The following GLRA3 variants were observed in gnomAD, a reference collection of about 807,000 sequenced individuals.
GLRA3 encodes the protein glycine receptor alpha 3.
A neutral mutation model predicts 60.4 loss-of-function variants in GLRA3; 44 were observed. That is an observed-to-expected ratio of 0.73 (90% CI 0.57 to 0.94). The LOEUF (loss-of-function observed/expected upper bound fraction) is 0.94. Among genes scored for constraint, GLRA3 ranks in the 40% least tolerant of loss-of-function variants. The probability of loss-of-function intolerance (pLI) is 0.00; values close to 1 mark genes in which losing one functional copy is unlikely to be tolerated. For missense variants in GLRA3, 508 were observed against 564.6 expected (o/e 0.90, Z 1.02); for synonymous variants, 223 against 192.9 (o/e 1.16, Z -1.29).
chr4:174,686,265 C>CT (rs1232521290), intron 5 of GLRA3, among the ~76,000 whole-genome samples: 1 of 152,096 alleles, frequency 6.6e-6, no homozygotes, highest in African/African-American at 2.4e-5. Context: ...AAAATCAATA[C>CT]TTTTTTACAC....
At chr4:174,714,997 G>T (rs1297857324) in intron 5 of GLRA3, among the ~76,000 whole-genome samples, 1 of 152,132 alleles carries the variant, frequency 6.6e-6, no homozygotes, top group Non-Finnish European at 1.5e-5. Flanking sequence ...AATAAACATT[G>T]CTTATCTGAA....
intron 9 of GLRA3, among the ~76,000 whole-genome samples, chr4:174,645,115 A>G (rs2110841636): frequency 6.6e-6 from 1 of 152,140 alleles, no homozygotes; most frequent in African/African-American, 2.4e-5. Context: ...AATTGGCTTG[A>G]ACTCTTGAAA....
At position 174,637,671 on chromosome 4, in the gene GLRA3, T is replaced by C. The variant is rs559517166; in HGVS notation, c.*6115A>G. On this transcript the variant is annotated 3_prime_UTR_variant, in exon 10 of 10. Coordinates refer to ENST00000274093, the MANE Select transcript of GLRA3 (RefSeq NM_006529.4). ...AACTTAATCCCCTGTACTTTTGTTA[T>C]AGCTTTACTCTAAAAACACACAATA... The C allele has an allele frequency of 3.3e-5, 5 of 152,344 alleles. No individual in the cohort carries two copies. The South Asian group carries it at 1.0e-3, about 32-fold the overall frequency. 9.4% of individuals were successfully genotyped at this position (152,344 alleles called of 1,614,324 possible). A position where few individuals can be genotyped will look rare whatever the true frequency, so the allele number is the denominator to read the frequency against.
chr4:174,718,935 G>A (rs971218809), intron 4 of GLRA3, among the ~76,000 whole-genome samples: 1 of 150,560 alleles, frequency 6.6e-6, no homozygotes, highest in Non-Finnish European at 1.5e-5. Context: ...TTGCAGCCCT[G>A]GGGTTCTAGT....
chr4:174,692,304 T>C (rs375106466), intron 5 of GLRA3, among the ~76,000 whole-genome samples: 49,858 of 133,914 alleles, frequency 0.37, 9,888 homozygotes, highest in Middle Eastern at 0.47. Flanking sequence ...CCGCCCCGTC[T>C]GGGAGGGAGG....
intron 7 of GLRA3, among the ~76,000 whole-genome samples, chr4:174,675,106 A>C (rs556415468): frequency 6.6e-6 from 1 of 152,210 alleles, no homozygotes; most frequent in African/African-American, 2.4e-5. Context: ...TTAAGGTATC[A>C]CTTTCTCAAT....
At chr4:174,730,468 T>C (rs1369659798) in intron 3 of GLRA3, among the ~76,000 whole-genome samples, 1 of 152,232 alleles carries the variant, frequency 6.6e-6, no homozygotes, top group Admixed American at 6.5e-5. Flanking sequence ...TACTGATTTA[T>C]AAGATACATA....
chr4:174,682,300 A>G (rs147924200), intron 6 of GLRA3, among the ~76,000 whole-genome samples: 2 of 152,316 alleles, frequency 1.3e-5, no homozygotes, highest in African/African-American at 4.8e-5. Flanking sequence ...TAGTGTTGAG[A>G]ACTATATCTG....
At chr4:174,789,370 A>C (rs546403941) in intron 1 of GLRA3, among the ~76,000 whole-genome samples, 1 of 151,458 alleles carries the variant, frequency 6.6e-6, no homozygotes, top group African/African-American at 2.4e-5. Flanking sequence ...GGTTTTGTGA[A>C]TTATTCTTAG....
At chr4:174,768,799 C>T (rs184004825) in intron 2 of GLRA3, among the ~76,000 whole-genome samples, 18 of 152,200 alleles carry the variant, frequency 1.2e-4, no homozygotes, top group Admixed American at 8.5e-4. Context: ...ATTCTTTTCC[C>T]ACCACCTTGT....
chr4:174,663,896 C>T (rs944797133), intron 7 of GLRA3, among the ~76,000 whole-genome samples: 2 of 152,144 alleles, frequency 1.3e-5, no homozygotes, highest in African/African-American at 4.8e-5. Flanking sequence ...GACCCATTGT[C>T]CACTGGAATC....
chr4:174,653,267 G>A (rs975782343), intron 9 of GLRA3, among the ~76,000 whole-genome samples: 3 of 151,860 alleles, frequency 2.0e-5, no homozygotes, highest in Admixed American at 2.0e-4. Flanking sequence ...ATGAAGAACA[G>A]ATGAAAAATG....
intron 1 of GLRA3, among the ~76,000 whole-genome samples, chr4:174,817,249 A>C (rs1347634024): frequency 6.6e-6 from 1 of 152,226 alleles, no homozygotes; most frequent in Non-Finnish European, 1.5e-5. Flanking sequence ...GATGGCTAAA[A>C]AGAAGCCAGA....
chr4:174,820,969 G>A (rs1313769217), intron 1 of GLRA3, among the ~76,000 whole-genome samples: 1 of 151,926 alleles, frequency 6.6e-6, no homozygotes, highest in East Asian at 1.9e-4. Flanking sequence ...CTTCTGAAAA[G>A]GAGAACATCC....
chr4:174,654,713 C>T (rs1733135212), intron 9 of GLRA3, among the ~76,000 whole-genome samples: 1 of 152,028 alleles, frequency 6.6e-6, no homozygotes, highest in Admixed American at 6.6e-5. Flanking sequence ...TCTTTTTAAG[C>T]CTCCAGGACT....
intron 1 of GLRA3, among the ~76,000 whole-genome samples, chr4:174,821,972 A>G (rs570550905): frequency 4.6e-5 from 7 of 152,208 alleles, no homozygotes; most frequent in Non-Finnish European, 7.4e-5. Context: ...CAGTGCTTAT[A>G]TATTATTTGT....
chr4:174,771,120 A>AT (rs1738367283), intron 2 of GLRA3, among the ~76,000 whole-genome samples: 1 of 151,470 alleles, frequency 6.6e-6, no homozygotes, highest in South Asian at 2.1e-4. Context: ...ATTAGGAGAT[A>AT]TACCTAATGC....
intron 3 of GLRA3, among the ~76,000 whole-genome samples, chr4:174,733,996 A>G (rs1298275820): frequency 6.6e-6 from 1 of 152,144 alleles, no homozygotes; most frequent in Admixed American, 6.6e-5. Flanking sequence ...GTTTTCGAAG[A>G]CATCTCTAAA....
At chr4:174,684,136 C>T (rs1304387778) in intron 5 of GLRA3, among the ~76,000 whole-genome samples, 2 of 151,944 alleles carry the variant, frequency 1.3e-5, no homozygotes, top group Admixed American at 1.3e-4. Flanking sequence ...TATTATAGAA[C>T]TCATGTATTT....
Sources: gnomAD v4.1 joint callset for allele counts (sites outside exome capture counted in the v4.1 genomes callset) on GRCh38, gnomAD v4.1.1 for gene constraint, MANE v1.5 for transcripts, NCBI Gene and HGNC (gene_info 2026-07-23, HGNC 2026-07-21) for gene names.